WASL: variants seen among roughly 807,000 people sequenced by gnomAD.
WASL encodes actin nucleation-promoting factor WASL.
WASL carries 20 observed loss-of-function variants against 55.5 expected under a neutral mutation model. That is an observed-to-expected ratio of 0.36 (90% confidence interval 0.25 to 0.52). The LOEUF is 0.52. Among genes scored for constraint, WASL ranks in the 20% least tolerant of loss-of-function variants. WASL has a pLI of 0.92. For missense variants in WASL, 504 were observed against 622.5 expected (o/e 0.81, Z 2.03); for synonymous variants, 249 against 217.6 (o/e 1.14, Z -1.27).
chr7:123,722,432 A>C (rs1398694336), intron 1 of WASL, among the ~76,000 whole-genome samples: 2 of 152,220 alleles, frequency 1.3e-5, no homozygotes, highest in East Asian at 3.8e-4. Flanking sequence ...TAATTCAATT[A>C]ACAATTATTT....
intron 1 of WASL, among the ~76,000 whole-genome samples, chr7:123,709,703 T>G (rs1261020498): frequency 1.3e-5 from 2 of 152,166 alleles, no homozygotes; most frequent in African/African-American, 4.8e-5. Flanking sequence ...ACTTAAGCAA[T>G]GAAGTAGTAG....
chr7:123,731,834 A>C (rs1438952469), intron 1 of WASL, among the ~76,000 whole-genome samples: 2 of 152,186 alleles, frequency 1.3e-5, no homozygotes, highest in Non-Finnish European at 2.9e-5. Context: ...CAATAACCTA[A>C]GTATCTAACT....
At chr7:123,692,275 T>C (rs1803422079) in intron 9 of WASL, 72 bp downstream of exon 9, 2 of 1,518,892 alleles carry the variant, frequency 1.3e-6, no homozygotes, top group Admixed American at 2.3e-5. Flanking sequence ...TTCAAAAATA[T>C]CTTTCAATAA....
intron 1 of WASL, among the ~76,000 whole-genome samples, chr7:123,714,230 C>T (rs1198044817): frequency 6.6e-6 from 1 of 152,074 alleles, no homozygotes; most frequent in Non-Finnish European, 1.5e-5. Context: ...CAGGGAACAA[C>T]AACTCCTGAG....
chr7:123,745,240 C>A (rs1804412039), intron 1 of WASL, among the ~76,000 whole-genome samples: 1 of 152,108 alleles, frequency 6.6e-6, no homozygotes. Context: ...AGGCCCTCAT[C>A]ATATTTCACC....
At chr7:123,733,861 G>A (rs1804180936) in intron 1 of WASL, among the ~76,000 whole-genome samples, 1 of 121,386 alleles carries the variant, frequency 8.2e-6, no homozygotes, top group South Asian at 2.5e-4. Flanking sequence ...ATCCAATAAA[G>A]AACTGATAAT....
chr7:123,685,055 T>A (rs144724342), intron 10 of WASL, among the ~76,000 whole-genome samples: 75 of 152,028 alleles, frequency 4.9e-4, no homozygotes, highest in African/African-American at 1.8e-3. Context: ...TACTTCCTCC[T>A]TTTTCACGAT....
intron 10 of WASL, among the ~76,000 whole-genome samples, chr7:123,686,029 A>C (rs962654039): frequency 1.3e-5 from 2 of 150,966 alleles, no homozygotes; most frequent in South Asian, 4.2e-4. Context: ...AACACAGAAC[A>C]ATCTTTTTCT....
intron 5 of WASL, 34 bp downstream of exon 5, chr7:123,704,600 A>G: frequency 6.7e-7 from 1 of 1,492,428 alleles, no homozygotes. Flanking sequence ...GTCATCTAAA[A>G]TCTTAAAAGA....
At chr7:123,705,467 G>A (rs1419209537) in intron 4 of WASL, among the ~76,000 whole-genome samples, 2 of 152,180 alleles carry the variant, frequency 1.3e-5, no homozygotes, top group African/African-American at 2.4e-5. Flanking sequence ...GGGAAGATGT[G>A]TCAGTACTGA....
intron 1 of WASL, among the ~76,000 whole-genome samples, chr7:123,711,041 G>A (rs1803746492): frequency 6.6e-6 from 1 of 152,014 alleles, no homozygotes; most frequent in African/African-American, 2.4e-5. Context: ...TTTCTAAAAA[G>A]ATAGCAATTA....
At chr7:123,745,447 G>A (rs938503604) in intron 1 of WASL, among the ~76,000 whole-genome samples, 1 of 151,950 alleles carries the variant, frequency 6.6e-6, no homozygotes, top group Non-Finnish European at 1.5e-5. Flanking sequence ...TATCTTCAGC[G>A]GTGAGAGAAA....
rs1432672492 is a variant in WASL, at chr7:123,683,968, G to A, written c.*551C>T. The A allele has an allele frequency of 6.6e-6, 1 of 151,910 alleles. No homozygotes were observed. The highest frequency in any genetic ancestry group is 2.4e-5 in the African/African-American group (1 of 41,388). 9.4% of individuals were successfully genotyped at this position (151,910 alleles called of 1,614,324 possible). A position where few individuals can be genotyped will look rare whatever the true frequency, so the allele number is the denominator to read the frequency against. ...TATCTCTGTAGTGATTTTATGTAGAGCATATTGCTAAAATTTGAGAAACTA... is the reference window on the plus strand; with the variant it reads ...TATCTCTGTAGTGATTTTATGTAGAACATATTGCTAAAATTTGAGAAACTA... On this transcript the variant is annotated 3_prime_UTR_variant, in exon 11 of 11. Transcript: ENST00000223023.
chr7:123,692,611 T>G lies in WASL; in HGVS notation c.1083A>C (p.Pro361=). 1 of 1,599,776 alleles carries G rather than the reference T, an allele frequency of 6.3e-7. No individual in the cohort carries two copies. Among genetic ancestry groups the G allele is most frequent in the Non-Finnish European group, 8.5e-7 (1 of 1,173,866 alleles). Residue 361 remains proline, a synonymous_variant, in exon 9 of 11, where the codon CCA becomes CCC. Coordinates refer to ENST00000223023, the MANE Select transcript of WASL (RefSeq NM_003941.4). ...PSSAPSGPPP[P]PPSVLGVGPV... Reference sequence around the variant, plus strand: ...GCCCTACCCCCAACACAGATGGAGGTGGTGGTGGAGGCCCTGAAGGTGCTG... The same window carrying G: ...GCCCTACCCCCAACACAGATGGAGGGGGTGGTGGAGGCCCTGAAGGTGCTG...
chr7:123,686,480 A>G (rs982539668), intron 10 of WASL, among the ~76,000 whole-genome samples: 4 of 152,102 alleles, frequency 2.6e-5, no homozygotes, highest in African/African-American at 9.7e-5. Flanking sequence ...ATCATCAGGT[A>G]CTACCACAGA....
chr7:123,741,547 C>T (rs967825957), intron 1 of WASL, among the ~76,000 whole-genome samples: 1 of 152,184 alleles, frequency 6.6e-6, no homozygotes, highest in African/African-American at 2.4e-5. Context: ...AAAGCTATGA[C>T]TTCTAGACAG....
chr7:123,720,689 C>T (rs529037598), intron 1 of WASL, among the ~76,000 whole-genome samples: 6 of 144,774 alleles, frequency 4.1e-5, no homozygotes, highest in African/African-American at 5.1e-5. Flanking sequence ...CTCATTCTCT[C>T]GCCCAGGCTG....
chr7:123,734,487 G>C lies in WASL; in HGVS notation c.117+14131C>G, dbSNP rs373086858. On this transcript the variant is annotated intron_variant, in intron 1 of 10. Coordinates refer to ENST00000223023, the MANE Select transcript of WASL (RefSeq NM_003941.4). ...AAAACACTGGTAAAACTAAATGCTG[G>C]TGTGAATGTGGTGCAACAGAAACAG... Among the ~76,000 whole-genome samples, 20 of 151,652 alleles carry C rather than the reference G, an allele frequency of 1.3e-4. No individual in the cohort carries two copies. In the East Asian group the frequency reaches 3.1e-3, roughly 24 times the overall value.
Position 123,682,421 on chromosome 7 carries a change from G to C in WASL, c.*2098C>G, listed in dbSNP as rs540803893. On this transcript the variant is annotated 3_prime_UTR_variant, in exon 11 of 11. Coordinates refer to ENST00000223023, the MANE Select transcript of WASL (RefSeq NM_003941.4). ...GTCTTTTTCTTCTTTAAGAAAAAAA[G>C]AATAAATTAATTACCTTTGGCAAAT... The C allele has an allele frequency of 1.3e-5, 2 of 152,160 alleles. No individual in the cohort carries two copies. The highest frequency in any genetic ancestry group is 4.8e-5 in the African/African-American group (2 of 41,516). The allele number at this position is 152,160 out of a possible 1,614,324, so 9.4% of individuals were successfully genotyped here. A position where few individuals can be genotyped will look rare whatever the true frequency, so the allele number is the denominator to read the frequency against.
Sources: allele counts gnomAD v4.1 joint callset (sites outside exome capture counted in the v4.1 genomes callset), GRCh38; gene constraint gnomAD v4.1.1; transcripts MANE v1.5; gene names NCBI Gene and HGNC (gene_info 2026-07-23, HGNC 2026-07-21).